The following DLG2 variants were observed in gnomAD, a reference collection of about 807,000 sequenced individuals.
DLG2 encodes discs large MAGUK scaffold protein 2.
In DLG2, 45 loss-of-function variants were observed where a neutral mutation model predicts 132.5. The ratio of observed to expected loss-of-function variants is 0.34; its 90% CI spans 0.27 to 0.44. The LOEUF (loss-of-function observed/expected upper bound fraction) is 0.44, where lower values mean the gene tolerates loss of function less well. Ranked by LOEUF, DLG2 falls within the 20% of genes least tolerant of loss-of-function variation. The pLI, the probability that DLG2 is intolerant of heterozygous loss-of-function variation, is 1.00. For missense variants in DLG2, 1,045 were observed against 1,196.9 expected (o/e 0.87, Z 1.87); for synonymous variants, 424 against 419.6 (o/e 1.01, Z -0.13).
At chr11:85,253,521 G>A (rs533315076) in intron 4 of DLG2, among the ~76,000 whole-genome samples, 25 of 152,236 alleles carry the variant, frequency 1.6e-4, no homozygotes, top group South Asian at 1.0e-3. Context: ...TTTGGGCACC[G>A]ACAAGAGCGA....
chr11:84,307,695 C>CAAAAAAAAAAAAAAAAAAAAA lies in DLG2; in HGVS notation c.520-56425_520-56405dup, dbSNP rs1222486667. Reference sequence around the variant, plus strand: ...TGGGTGAAAGAGCGAGACGCAGTCTCAAAAAAAAAAAAAAAAAAAAAGAAG... The same window carrying CAAAAAAAAAAAAAAAAAAAAA: ...TGGGTGAAAGAGCGAGACGCAGTCTCAAAAAAAAAAAAAAAAAAAAAAAAAAAAAAAAAAAAAAAAAAGAAG... On this transcript the variant is annotated intron_variant, in intron 7 of 27. Transcript: ENST00000376104. Among the ~76,000 whole-genome samples the CAAAAAAAAAAAAAAAAAAAAA allele has an allele frequency of 5.0e-3, 393 of 77,902 alleles. 6 individuals are homozygous for CAAAAAAAAAAAAAAAAAAAAA. The highest frequency in any genetic ancestry group is 8.0e-3 in the Non-Finnish European group (306 of 38,392). The allele number at this position is 77,902 out of a possible 152,430, so 51.1% of individuals were successfully genotyped here. A position where few individuals can be genotyped will look rare whatever the true frequency, so the allele number is the denominator to read the frequency against.
chr11:84,654,607 A>G (rs1041991661), intron 6 of DLG2, among the ~76,000 whole-genome samples: 4 of 152,182 alleles, frequency 2.6e-5, no homozygotes, highest in Non-Finnish European at 5.9e-5. Context: ...TTCCAACTGT[A>G]TTAAAGGACG....
chr11:83,538,391 A>G (rs1162877580), intron 20 of DLG2, among the ~76,000 whole-genome samples: 1 of 152,252 alleles, frequency 6.6e-6, no homozygotes, highest in East Asian at 1.9e-4. Flanking sequence ...AGTTGCTCAT[A>G]GAGACATCAG....
intron 21 of DLG2, among the ~76,000 whole-genome samples, chr11:83,525,880 CATCTTGCTAACGAA>C (rs1181687712): frequency 6.6e-6 from 1 of 152,190 alleles, no homozygotes; most frequent in Admixed American, 6.6e-5. Context: ...ATAAAATTCC[CATCTTGCTAACGAA>C]ATACTGACTG....
chr11:84,810,449 A>G (rs552841181), intron 6 of DLG2, among the ~76,000 whole-genome samples: 1 of 152,292 alleles, frequency 6.6e-6, no homozygotes, highest in African/African-American at 2.4e-5. Context: ...AGACATCACT[A>G]CATACAAAAT....
intron 7 of DLG2, among the ~76,000 whole-genome samples, chr11:84,295,546 AAT>A (rs1357886110): frequency 1.3e-5 from 2 of 152,140 alleles, no homozygotes; most frequent in African/African-American, 4.8e-5. Context: ...ACTAGGAATC[AAT>A]CGGAGCTGAC....
intron 18 of DLG2, among the ~76,000 whole-genome samples, chr11:83,738,697 C>T (rs927697772): frequency 2.0e-5 from 3 of 152,138 alleles, no homozygotes; most frequent in Non-Finnish European, 2.9e-5. Context: ...TCTCCATCCA[C>T]CCAAATCCTA....
intron 27 of DLG2, among the ~76,000 whole-genome samples, chr11:83,460,233 C>T (rs190969329): frequency 2.0e-5 from 3 of 152,264 alleles, no homozygotes; most frequent in South Asian, 2.1e-4. Context: ...TTATGGGTGC[C>T]TACTCTGAGC....
chr11:83,746,583 G>C lies in DLG2; in HGVS notation c.1825+40107C>G, dbSNP rs564072056. ...CACACATCAGGGCCTGTTGTGGGGT[G>C]GGGGGAGCGGGGAGGGATAGCATTA... is the stretch of plus-strand genomic sequence containing the variant. On this transcript the variant is annotated intron_variant, in intron 18 of 27. Coordinates refer to ENST00000376104, the MANE Select transcript of DLG2 (RefSeq NM_001142699.3). Among the ~76,000 whole-genome samples, 3 of 151,848 alleles carry C rather than the reference G, an allele frequency of 2.0e-5. No individual in the cohort carries two copies. The South Asian group carries it at 6.2e-4, about 32-fold the overall frequency.
chr11:84,419,654 A>C (rs1003782470), intron 7 of DLG2, among the ~76,000 whole-genome samples: 7 of 152,178 alleles, frequency 4.6e-5, no homozygotes, highest in African/African-American at 1.7e-4. Flanking sequence ...CCTCTATAAG[A>C]TCCCCACCCC....
intron 6 of DLG2, among the ~76,000 whole-genome samples, chr11:84,673,684 G>A (rs2099708392): frequency 6.6e-6 from 1 of 151,488 alleles, no homozygotes; most frequent in South Asian, 2.1e-4. Flanking sequence ...AATTTTCCAT[G>A]GAAGAATTAG....
At chr11:85,175,493 C>T (rs1242604426) in intron 4 of DLG2, among the ~76,000 whole-genome samples, 2 of 152,162 alleles carry the variant, frequency 1.3e-5, no homozygotes, top group Admixed American at 6.5e-5. Flanking sequence ...ATGACAAACC[C>T]CCAGCCAATA....
chr11:84,190,476 C>T (rs2154290371), intron 8 of DLG2, among the ~76,000 whole-genome samples: 1 of 152,242 alleles, frequency 6.6e-6, no homozygotes, highest in East Asian at 1.9e-4. Flanking sequence ...AGTGATGATG[C>T]CATGTGTTGA....
intron 6 of DLG2, among the ~76,000 whole-genome samples, chr11:84,592,584 T>A (rs1319048204): frequency 1.3e-5 from 2 of 151,966 alleles, no homozygotes; most frequent in Non-Finnish European, 2.9e-5. Context: ...AAAGGGCTAA[T>A]ATCCAGAATC....
intron 3 of DLG2, among the ~76,000 whole-genome samples, chr11:85,429,287 C>A (rs928520829): frequency 6.6e-6 from 1 of 152,164 alleles, no homozygotes; most frequent in Non-Finnish European, 1.5e-5. Flanking sequence ...AGACCAGCAT[C>A]ATCCTGTTAC....
At chr11:85,070,305 A>AAAATAAATAAAT (rs60646994) in intron 6 of DLG2, among the ~76,000 whole-genome samples, 18 of 145,926 alleles carry the variant, frequency 1.2e-4, no homozygotes, top group African/African-American at 4.3e-4. Context: ...AGTATAATAA[A>AAAATAAATAAAT]AAATAAATAA....
intron 11 of DLG2, among the ~76,000 whole-genome samples, chr11:84,005,523 C>T (rs2374467): frequency 0.98 from 149,482 of 152,032 alleles, 73,493 homozygotes; most frequent in East Asian, 1. Context: ...TTCTGCACAG[C>T]AGAAAAGACA....
chr11:84,398,040 T>C (rs1017954082), intron 7 of DLG2, among the ~76,000 whole-genome samples: 5 of 152,220 alleles, frequency 3.3e-5, no homozygotes, highest in Admixed American at 2.0e-4. Context: ...TAAGGACAGA[T>C]TGGACTGTGG....
chr11:84,385,147 A>G (rs547498739), intron 7 of DLG2, among the ~76,000 whole-genome samples: 1 of 152,154 alleles, frequency 6.6e-6, no homozygotes, highest in East Asian at 1.9e-4. Flanking sequence ...TTACCCTTCC[A>G]CACTTAAACT....
Sources: allele counts gnomAD v4.1 joint callset (sites outside exome capture counted in the v4.1 genomes callset), GRCh38; gene constraint gnomAD v4.1.1; transcripts MANE v1.5; gene names NCBI Gene and HGNC (gene_info 2026-07-23, HGNC 2026-07-21).